Variants in MAN1C1 observed in about 807,000 individuals in gnomAD.
MAN1C1 encodes the protein mannosyl-oligosaccharide 1,2-alpha-mannosidase IC.
MAN1C1 carries 49 observed loss-of-function variants against 71.5 expected under a neutral mutation model. That is an observed-to-expected ratio of 0.69 (90% confidence interval 0.54 to 0.87). The LOEUF is 0.87. MAN1C1 is among the 40% of genes least tolerant of loss of function. MAN1C1 has a pLI of 0.00. For synonymous variants in MAN1C1, 352 were observed against 343.7 expected (o/e 1.02, Z -0.27); for missense variants, 743 against 835.0 (o/e 0.89, Z 1.36).
At chr1:25,763,359 C>T (rs753701130) in intron 6 of MAN1C1, among the ~76,000 whole-genome samples, 34 of 151,934 alleles carry the variant, frequency 2.2e-4, no homozygotes, top group Admixed American at 2.0e-4. Flanking sequence ...AGTGGTGGCA[C>T]AGGCCTGTAA....
At chr1:25,671,571 T>G (rs2045993133) in intron 1 of MAN1C1, among the ~76,000 whole-genome samples, 1 of 152,210 alleles carries the variant, frequency 6.6e-6, no homozygotes, top group South Asian at 2.1e-4. Context: ...AGAATGCTGT[T>G]GCCTGTGCCC....
intron 1 of MAN1C1, among the ~76,000 whole-genome samples, chr1:25,680,086 G>A (rs1024254219): frequency 2.7e-5 from 4 of 150,350 alleles, no homozygotes; most frequent in African/African-American, 7.4e-5. Context: ...TTTTTGAGAC[G>A]GAGTCTTGCT....
intron 2 of MAN1C1, among the ~76,000 whole-genome samples, chr1:25,736,155 T>C (rs3767882): frequency 0.043 from 6,489 of 152,208 alleles, 316 homozygotes; most frequent in East Asian, 0.18. Context: ...CTTCTCCCCA[T>C]TGAGGCAAAG....
chr1:25,703,113 C>G (rs2046468838), intron 2 of MAN1C1, among the ~76,000 whole-genome samples: 1 of 152,224 alleles, frequency 6.6e-6, no homozygotes, highest in African/African-American at 2.4e-5. Flanking sequence ...GGTTCTGATG[C>G]ACAACCCAGG....
chr1:25,658,049 C>T lies in MAN1C1; in HGVS notation c.541-28391C>T, dbSNP rs559194330. 6.6e-5 allele frequency among the ~76,000 whole-genome samples: 10 copies of T among 152,338 alleles called. No individual in the cohort carries two copies. In the South Asian group the frequency reaches 1.9e-3, roughly 28 times the overall value. ...CCATCTCCTTGCCTGCTGCCCTGCC[C>T]CCTGGCCTTGACCTGTCTGAAGATG... On this transcript the variant is annotated intron_variant, in intron 1 of 11. Transcript: ENST00000374332.
At chr1:25,673,276 G>A (rs2046018764) in intron 1 of MAN1C1, among the ~76,000 whole-genome samples, 2 of 152,144 alleles carry the variant, frequency 1.3e-5, no homozygotes, top group African/African-American at 4.8e-5. Context: ...GTGCTGTGCC[G>A]AGGGCCTTGG....
At chr1:25,649,004 A>G (rs1273614896) in intron 1 of MAN1C1, among the ~76,000 whole-genome samples, 1 of 152,210 alleles carries the variant, frequency 6.6e-6, no homozygotes, top group Non-Finnish European at 1.5e-5. Context: ...CCTGTCAGCA[A>G]CTGAACAGGG....
At chr1:25,641,122 C>T (rs900187150) in intron 1 of MAN1C1, among the ~76,000 whole-genome samples, 2 of 152,114 alleles carry the variant, frequency 1.3e-5, no homozygotes, top group African/African-American at 2.4e-5. Flanking sequence ...GAAGGGTAGT[C>T]GGGGCTAGGC....
At chr1:25,650,118 A>G (rs989988650) in intron 1 of MAN1C1, among the ~76,000 whole-genome samples, 7 of 152,174 alleles carry the variant, frequency 4.6e-5, no homozygotes, top group Non-Finnish European at 7.3e-5. Flanking sequence ...GTACACTCCC[A>G]TGTCCACAGC....
At chr1:25,763,715 C>G in intron 6 of MAN1C1, 159 bp from the exon 7 acceptor site, 1 of 635,302 alleles carries the variant, frequency 1.6e-6, no homozygotes, top group Non-Finnish European at 2.8e-6. Flanking sequence ...TCACCATCCC[C>G]GGGTTGGAGC....
chr1:25,685,552 G>T (rs1206181670), intron 1 of MAN1C1, among the ~76,000 whole-genome samples: 1 of 152,250 alleles, frequency 6.6e-6, no homozygotes, highest in African/African-American at 2.4e-5. Context: ...ATCTGCTTCA[G>T]CCTGAAGGTC....
chr1:25,660,186 G>A (rs1033831981), intron 1 of MAN1C1, among the ~76,000 whole-genome samples: 2 of 152,044 alleles, frequency 1.3e-5, no homozygotes, highest in African/African-American at 4.8e-5. Flanking sequence ...CGGATCACCT[G>A]AGGTCAGGAG....
Position 25,763,946 on chromosome 1 carries a change from G to A in MAN1C1, c.1120G>A (p.Val374Met), listed in dbSNP as rs544511408. The A allele has an allele frequency of 1.2e-5, 20 of 1,613,934 alleles. No individual in the cohort carries two copies. In the East Asian group the frequency reaches 3.1e-4, roughly 25 times the overall value. The change falls in exon 7 of 12, where the codon GTG (valine) becomes ATG (methionine). Residue 374 changes from valine to methionine, a missense_variant. Val to Met is a conservative substitution (Grantham distance 21, BLOSUM62 1). Coordinates refer to ENST00000374332, the MANE Select transcript of MAN1C1 (RefSeq NM_020379.4). ...CCTCTACCCCAACTTCCTCAGCCCA[G>A]TGAGTGGGAACTGGGTGCAACGTGA... is the stretch of plus-strand genomic sequence containing the variant. The part of the protein sequence containing the change: ...FGLYPNFLSP[V>M]SGNWVQHHVS...
chr1:25,674,206 T>A (rs778900642), intron 1 of MAN1C1, among the ~76,000 whole-genome samples: 4 of 152,352 alleles, frequency 2.6e-5, no homozygotes, highest in South Asian at 4.1e-4. Context: ...CAATTGGAGC[T>A]GTCCCTTTAT....
At chr1:25,734,951 A>G (rs1196400077) in intron 2 of MAN1C1, among the ~76,000 whole-genome samples, 1 of 152,242 alleles carries the variant, frequency 6.6e-6, no homozygotes, top group Non-Finnish European at 1.5e-5. Context: ...GAAACATTTT[A>G]TCTAGAAGTT....
intron 2 of MAN1C1, among the ~76,000 whole-genome samples, chr1:25,714,662 C>A (rs1302143463): frequency 6.6e-6 from 1 of 152,140 alleles, no homozygotes; most frequent in African/African-American, 2.4e-5. Context: ...ACATTTTAGA[C>A]TCCTGTGTTT....
At position 25,783,727 on chromosome 1, in the gene MAN1C1, G is replaced by A. The variant is rs1370765345; in HGVS notation, c.1831G>A (p.Glu611Lys). 3.7e-6 allele frequency: 6 copies of A among 1,613,198 alleles called. No homozygotes were observed. Among genetic ancestry groups the A allele is most frequent in the Non-Finnish European group, 4.2e-6 (5 of 1,180,030 alleles). Residue 611 changes from glutamate (E) to lysine (K), a missense_variant, in exon 12 of 12, where the codon GAG becomes AAG. By Grantham distance (56) the Glu-to-Lys change is moderately conservative. Coordinates refer to ENST00000374332, the MANE Select transcript of MAN1C1 (RefSeq NM_020379.4). ...LSLEDWVFNT[E>K]AHPLPVNHSD... ...CCTGGAAGACTGGGTGTTCAACACC[G>A]AGGCCCACCCACTCCCGGTGAACCA...
chr1:25,780,646 C>G (rs1483046005), intron 9 of MAN1C1: 1 of 300,788 alleles, frequency 3.3e-6, no homozygotes, highest in Non-Finnish European at 6.3e-6. Context: ...TGTGGAACCC[C>G]GCCCAAACCT....
At chr1:25,622,973 A>T (rs3767921) in intron 1 of MAN1C1, among the ~76,000 whole-genome samples, 25,731 of 152,126 alleles carry the variant, frequency 0.17, 5,467 homozygotes, top group African/African-American at 0.49. Context: ...TGTTCAGGAT[A>T]ATTAATATTA....
Sources: gnomAD v4.1 joint callset for allele counts (sites outside exome capture counted in the v4.1 genomes callset) on GRCh38, gnomAD v4.1.1 for gene constraint, MANE v1.5 for transcripts, NCBI Gene and HGNC (gene_info 2026-07-23, HGNC 2026-07-21) for gene names.